DYNC2I1: variants seen among roughly 807,000 people sequenced by gnomAD.
The protein encoded by DYNC2I1 is cytoplasmic dynein 2 intermediate chain 1.
Under a neutral mutation model 133.4 loss-of-function variants are expected in DYNC2I1, and 89 were observed. The ratio of observed to expected loss-of-function variants is 0.67; its 90% confidence interval spans 0.56 to 0.80. The LOEUF is 0.80. Ranked by LOEUF, DYNC2I1 falls within the 30% of genes least tolerant of loss-of-function variation. The pLI, the probability that DYNC2I1 is intolerant of heterozygous loss-of-function variation, is 0.00. For synonymous variants in DYNC2I1, 504 were observed against 484.3 expected (o/e 1.04, Z -0.54); for missense variants, 1,291 against 1,314.5 (o/e 0.98, Z 0.28).
chr7:158,943,849 C>T (rs1851616462), intron 24 of DYNC2I1, among the ~76,000 whole-genome samples: 1 of 152,190 alleles, frequency 6.6e-6, no homozygotes, highest in South Asian at 2.1e-4. Flanking sequence ...GCTCCCCTAA[C>T]CCCTCAGCAG....
At chr7:158,912,821 G>A (rs1377133472) in intron 12 of DYNC2I1, among the ~76,000 whole-genome samples, 164 bp from the exon 13 acceptor site, 1 of 152,160 alleles carries the variant, frequency 6.6e-6, no homozygotes, top group Non-Finnish European at 1.5e-5. Context: ...AATTAGACCT[G>A]TATATATCTA....
the DYNC2I1 span, among the ~76,000 whole-genome samples, chr7:158,839,772 A>G: frequency 6.6e-6 from 1 of 151,866 alleles, no homozygotes; most frequent in Non-Finnish European, 1.5e-5. Context: ...GTGAGCCAAG[A>G]TAGTGATACT....
chr7:158,915,441 T>C (rs1848022652), intron 14 of DYNC2I1, among the ~76,000 whole-genome samples: 2 of 150,370 alleles, frequency 1.3e-5, no homozygotes, highest in African/African-American at 4.9e-5. Context: ...TGGTTGAGAT[T>C]AAGGATGATT....
Position 158,901,818 on chromosome 7 carries a change from T to G in DYNC2I1, c.1137+2T>G, listed in dbSNP as rs755000564. The G allele has an allele frequency of 2.6e-6, 4 of 1,558,816 alleles. No homozygotes were observed. The highest frequency in any genetic ancestry group is 2.6e-6 in the Non-Finnish European group (3 of 1,151,964). ...GCCAGTTGTGAAGATGATTTTGAAG[T>G]ATGTATAAAAGTTAAAACTTTCCTT... On this transcript the variant is annotated splice_donor_variant, in intron 9 of 24. Coordinates refer to ENST00000407559, the MANE Select transcript of DYNC2I1 (RefSeq NM_018051.5). LOFTEE classifies it high-confidence loss of function.
intron 13 of DYNC2I1, among the ~76,000 whole-genome samples, chr7:158,913,785 T>C (rs1847729184): frequency 6.6e-6 from 1 of 152,218 alleles, no homozygotes; most frequent in East Asian, 1.9e-4. Flanking sequence ...CTCAGCTCAC[T>C]GTAACCTCCG....
At chr7:158,922,326 C>T in intron 15 of DYNC2I1, 51 bp from the exon 16 acceptor site, 2 of 1,567,342 alleles carry the variant, frequency 1.3e-6, no homozygotes, top group South Asian at 2.3e-5. Flanking sequence ...TTAAATTTAA[C>T]TTGGATTCTG....
At chr7:158,840,247 A>C in the DYNC2I1 span, among the ~76,000 whole-genome samples, 1 of 151,604 alleles carries the variant, frequency 6.6e-6, no homozygotes, top group Non-Finnish European at 1.5e-5. Context: ...GACATTGTCT[A>C]CAAAAAAAAA....
intron 4 of DYNC2I1, among the ~76,000 whole-genome samples, chr7:158,877,137 G>A (rs1016534947): frequency 2.0e-5 from 3 of 152,238 alleles, no homozygotes; most frequent in African/African-American, 7.2e-5. Flanking sequence ...GCAACTTGGT[G>A]TTTCGCGGTG....
intron 7 of DYNC2I1, among the ~76,000 whole-genome samples, chr7:158,889,464 T>A (rs1844970445): frequency 6.6e-6 from 1 of 152,170 alleles, no homozygotes; most frequent in South Asian, 2.1e-4. Context: ...GTGGATACAT[T>A]TCTTGAAGTG....
chr7:158,883,152 T>C (rs1042292694), intron 5 of DYNC2I1, among the ~76,000 whole-genome samples: 2 of 151,870 alleles, frequency 1.3e-5, no homozygotes, highest in Non-Finnish European at 2.9e-5. Flanking sequence ...AAACTGGGAC[T>C]GTTCCCGGGG....
chr7:158,944,475 G>T (rs1253040361), intron 24 of DYNC2I1, among the ~76,000 whole-genome samples: 1 of 152,190 alleles, frequency 6.6e-6, no homozygotes, highest in Non-Finnish European at 1.5e-5. Flanking sequence ...TTTCAAGTCT[G>T]CAGCTAAACA....
chr7:158,925,670 G>C (rs1212190469), intron 17 of DYNC2I1, among the ~76,000 whole-genome samples: 1 of 152,114 alleles, frequency 6.6e-6, no homozygotes, highest in Admixed American at 6.5e-5. Flanking sequence ...TGGTAGGTGG[G>C]GTGGGTTTGC....
At chr7:158,886,502 A>G (rs1286293783) in intron 6 of DYNC2I1, among the ~76,000 whole-genome samples, 4 of 152,220 alleles carry the variant, frequency 2.6e-5, no homozygotes, top group Non-Finnish European at 5.9e-5. Context: ...TCTCTGGAAG[A>G]TATTTTCTGT....
chr7:158,906,604 G>A (rs1015568926), intron 11 of DYNC2I1, among the ~76,000 whole-genome samples: 1 of 151,972 alleles, frequency 6.6e-6, no homozygotes, highest in Admixed American at 6.6e-5. Flanking sequence ...GATTACAGGT[G>A]GCCGCCACCA....
At position 158,934,239 on chromosome 7, in the gene DYNC2I1, T is replaced by G; in HGVS notation, c.2646+11T>G. Reference sequence around the variant, plus strand: ...ATTGGCACAGACATGGTGAGTAGTATTTTAAATTTAATCCTATTACTCATT... The same window carrying G: ...ATTGGCACAGACATGGTGAGTAGTAGTTTAAATTTAATCCTATTACTCATT... On this transcript the variant is annotated intron_variant, in intron 22 of 24. Coordinates refer to ENST00000407559, the MANE Select transcript of DYNC2I1 (RefSeq NM_018051.5). The G allele has an allele frequency of 2.5e-6, 4 of 1,594,814 alleles. No homozygotes were observed. The highest frequency in any genetic ancestry group is 3.4e-6 in the Non-Finnish European group (4 of 1,171,994).
At chr7:158,862,547 T>G (rs1014962587) in intron 1 of DYNC2I1, among the ~76,000 whole-genome samples, 1 of 118,560 alleles carries the variant, frequency 8.4e-6, no homozygotes, top group African/African-American at 3.6e-5. Context: ...CAAGACCCTA[T>G]CTCTTAAAAA....
chr7:158,890,929 T>C (rs1454194393), intron 7 of DYNC2I1, among the ~76,000 whole-genome samples: 1 of 152,314 alleles, frequency 6.6e-6, no homozygotes, highest in South Asian at 2.1e-4. Flanking sequence ...AAAGGTGACA[T>C]TTGCAAGGCT....
rs1269596078 is a variant in DYNC2I1 at position 158,876,608 on chromosome 7, G to C, written c.491-1G>C. 2.7e-5 allele frequency: 43 copies of C among 1,563,864 alleles called. No individual in the cohort carries two copies. Among genetic ancestry groups the C allele is most frequent in the Non-Finnish European group, 3.6e-5 (42 of 1,162,738 alleles). Reference sequence around the variant, plus strand: ...TTAAAAATATGTTTTACTTCTTGTAGTAAGTAAAGTAAGAAGTGAAGAGAA... The same window carrying C: ...TTAAAAATATGTTTTACTTCTTGTACTAAGTAAAGTAAGAAGTGAAGAGAA... On this transcript the variant is annotated splice_acceptor_variant, in intron 3 of 24. Coordinates refer to ENST00000407559, the MANE Select transcript of DYNC2I1 (RefSeq NM_018051.5). LOFTEE classifies it high-confidence loss of function.
chr7:158,918,715 A>T, intron 14 of DYNC2I1, 25 bp from the exon 15 acceptor site: 3 of 1,606,658 alleles, frequency 1.9e-6, no homozygotes, highest in South Asian at 2.2e-5. Context: ...GTTTTTATTA[A>T]AGACTACTCA....
Sources: allele counts gnomAD v4.1 joint callset (sites outside exome capture counted in the v4.1 genomes callset), GRCh38; gene constraint gnomAD v4.1.1; transcripts MANE v1.5; gene names NCBI Gene and HGNC (gene_info 2026-07-23, HGNC 2026-07-21).